Variants in ACSBG2 observed in about 807,000 individuals in gnomAD.
ACSBG2 encodes the protein long-chain-fatty-acid--CoA ligase ACSBG2.
Under a neutral mutation model 74.7 loss-of-function variants are expected in ACSBG2, and 62 were observed. That is an observed-to-expected ratio of 0.83 (90% CI 0.68 to 1.03). The LOEUF (loss-of-function observed/expected upper bound fraction) is 1.03. ACSBG2 is among the 50% of genes least tolerant of loss of function. ACSBG2 has a pLI of 0.00. For missense variants in ACSBG2, 730 were observed against 817.6 expected (o/e 0.89, Z 1.31); for synonymous variants, 309 against 294.1 (o/e 1.05, Z -0.52).
chr19:6,185,127 TGTTGCCCAG>T (rs2090370736), intron 10 of ACSBG2, among the ~76,000 whole-genome samples: 1 of 152,058 alleles, frequency 6.6e-6, no homozygotes. Flanking sequence ...GGTCTCCGTA[TGTTGCCCAG>T]GTTGGTCTTG....
chr19:6,168,981 G>A (rs1464367296), intron 7 of ACSBG2, among the ~76,000 whole-genome samples: 1 of 152,152 alleles, frequency 6.6e-6, no homozygotes, highest in Non-Finnish European at 1.5e-5. Flanking sequence ...GCTTCGCTAT[G>A]TTGGGCAGGC....
rs879562221 is a variant in ACSBG2 at position 6,157,587 on chromosome 19, A to AT, written c.507+1046dup. Among the ~76,000 whole-genome samples, 655 of 147,080 alleles carry AT rather than the reference A, an allele frequency of 4.5e-3. 3 individuals are homozygous for AT. Among genetic ancestry groups the AT allele is most frequent in the Admixed American group, 7.8e-3 (115 of 14,666 alleles). On this transcript the variant is annotated intron_variant, in intron 5 of 14. Transcript: ENST00000588485. ...CAAAACAAACAAACAAACAAAAACC[A>AT]TTTTTTTTTTGTAGAGACAGAGTCT...
chr19:6,187,447 G>A, intron 12 of ACSBG2, 25 bp downstream of exon 12: 1 of 1,613,330 alleles, frequency 6.2e-7, no homozygotes, highest in South Asian at 1.1e-5. Flanking sequence ...CTGTCATTGG[G>A]GGAAGTCTCT....
chr19:6,146,419 A>G (rs2089033412), intron 2 of ACSBG2, among the ~76,000 whole-genome samples: 1 of 150,338 alleles, frequency 6.7e-6, no homozygotes, highest in Admixed American at 6.7e-5. Context: ...GGGGTGAGCC[A>G]AGATCACGCC....
chr19:6,183,201 C>T lies in ACSBG2; in HGVS notation c.1251C>T (p.Gly417=), dbSNP rs781503501. Reference sequence around the variant, plus strand: ...TTCTAAGCTTGGACATACCTATAGGCGAGTTGTATGGGTTGAGTGAGAGCT... The same window carrying T: ...TTCTAAGCTTGGACATACCTATAGGTGAGTTGTATGGGTTGAGTGAGAGCT... ...EFFLSLDIPI[G]ELYGLSESSG... is the part of the protein sequence containing the mutation. The change falls in exon 10 of 15, where the codon GGC becomes GGT. Residue 417 remains glycine (G), a synonymous_variant. Transcript: ENST00000588485. 4.3e-6 allele frequency: 7 copies of T among 1,614,016 alleles called. No homozygotes were observed. The highest frequency in any genetic ancestry group is 2.2e-5 in the South Asian group (2 of 91,088).
intron 3 of ACSBG2, 121 bp from the exon 4 acceptor site, chr19:6,151,586 C>T (rs926373209): frequency 1.2e-5 from 11 of 910,576 alleles, no homozygotes; most frequent in Middle Eastern, 4.4e-4. Context: ...GCTAGGATTA[C>T]AGGTGTGAGC....
intron 6 of ACSBG2, chr19:6,161,502 C>A (rs2145120381): frequency 4.1e-6 from 2 of 488,012 alleles, no homozygotes; most frequent in East Asian, 6.8e-5. Flanking sequence ...TGGGTGTGAC[C>A]TTTCAAAGGA....
chr19:6,181,816 C>CG, intron 8 of ACSBG2, among the ~76,000 whole-genome samples: 1 of 107,398 alleles, frequency 9.3e-6, no homozygotes, highest in East Asian at 3.3e-4. Context: ...CCCACCCGCC[C>CG]CCCCCCCCAA....
At chr19:6,160,677 T>C (rs1402914778) in intron 5 of ACSBG2, 1 of 152,224 alleles carries the variant, frequency 6.6e-6, no homozygotes, top group Non-Finnish European at 1.5e-5. Flanking sequence ...GGGCAGACTA[T>C]TGTCATCCTC....
At chr19:6,171,201 A>G (rs1002186909) in intron 7 of ACSBG2, among the ~76,000 whole-genome samples, 1 of 151,936 alleles carries the variant, frequency 6.6e-6, no homozygotes, top group Non-Finnish European at 1.5e-5. Context: ...ATGTCTTTTA[A>G]GTGCTGTATT....
At chr19:6,165,045 T>C (rs963245111) in intron 6 of ACSBG2, among the ~76,000 whole-genome samples, 1 of 152,208 alleles carries the variant, frequency 6.6e-6, no homozygotes, top group African/African-American at 2.4e-5. Context: ...TGGTCGTAAG[T>C]GACAAAAGTC....
chr19:6,165,788 G>C, intron 6 of ACSBG2, 78 bp from the exon 7 acceptor site: 2 of 1,549,244 alleles, frequency 1.3e-6, no homozygotes, highest in Non-Finnish European at 1.8e-6. Flanking sequence ...TTTAGGAAAA[G>C]CTGATAGGAC....
intron 1 of ACSBG2, among the ~76,000 whole-genome samples, chr19:6,140,355 G>A (rs1026079561): frequency 1.1e-4 from 16 of 152,000 alleles, no homozygotes; most frequent in Admixed American, 6.6e-5. Flanking sequence ...GGGTAGCCCC[G>A]GAATCCTGTC....
Position 6,177,397 on chromosome 19 carries a change from G to GT in ACSBG2, c.906+2dup. 1 of 1,585,824 alleles carries GT rather than the reference G, an allele frequency of 6.3e-7. No homozygotes were observed. On this transcript the variant is annotated splice_donor_variant, in intron 8 of 14. Transcript: ENST00000588485. LOFTEE classifies it high-confidence loss of function. Reference sequence around the variant, plus strand: ...CTTTGCTCAAGCAGATGCTCTCAAGGTAAGATTGAGTAAGGACCTGGGGCT... The same window carrying GT: ...CTTTGCTCAAGCAGATGCTCTCAAGGTTAAGATTGAGTAAGGACCTGGGGCT...
At chr19:6,163,783 C>CA (rs1278911071) in intron 6 of ACSBG2, among the ~76,000 whole-genome samples, 27,222 of 80,890 alleles carry the variant, frequency 0.34, 4,618 homozygotes, top group Non-Finnish European at 0.43. Context: ...AAATAAAATA[C>CA]AAAAAAAAAA....
chr19:6,154,863 A>G (rs2089367139), intron 4 of ACSBG2, among the ~76,000 whole-genome samples: 1 of 152,154 alleles, frequency 6.6e-6, no homozygotes, highest in African/African-American at 2.4e-5. Flanking sequence ...CTGAATGGTA[A>G]GACAGTGTCA....
At chr19:6,184,832 GA>G (rs371866289) in intron 10 of ACSBG2, among the ~76,000 whole-genome samples, 68 of 13,520 alleles carry the variant, frequency 5.0e-3, no homozygotes, top group Non-Finnish European at 9.2e-3. Flanking sequence ...ATGTGGAGAT[GA>G]AAAAAAAAAA....
Position 6,190,600 on chromosome 19 carries a change from T to TA in ACSBG2, c.1946dup (p.Arg650GlufsTer13). Reference sequence around the variant, plus strand: ...TCTCGATAGGTCCAATGATGAAACTTAAGAGACATTTTGTAGCCCAGAAAT... The same window carrying TA: ...TCTCGATAGGTCCAATGATGAAACTTAAAGAGACATTTTGTAGCCCAGAAAT... On this transcript the variant is annotated frameshift_variant, in exon 14 of 15. Coordinates refer to ENST00000588485, the MANE Select transcript of ACSBG2 (RefSeq NM_030924.5). LOFTEE classifies it high-confidence loss of function. 6.2e-7 allele frequency: 1 copy of TA among 1,614,000 alleles called. No homozygotes were observed. Among genetic ancestry groups the TA allele is most frequent in the Non-Finnish European group, 8.5e-7 (1 of 1,179,924 alleles).
chr19:6,138,669 C>A (rs62107237), intron 1 of ACSBG2, among the ~76,000 whole-genome samples: 39,976 of 80,922 alleles, frequency 0.49, 8,665 homozygotes, highest in Admixed American at 0.55. Flanking sequence ...AAAGAAAAGG[C>A]AGGGACGGAG....
Sources: allele counts gnomAD v4.1 joint callset (sites outside exome capture counted in the v4.1 genomes callset), GRCh38; gene constraint gnomAD v4.1.1; transcripts MANE v1.5; gene names NCBI Gene and HGNC (gene_info 2026-07-23, HGNC 2026-07-21).